Variants in ZNF667 observed in about 807,000 individuals in gnomAD.
The protein encoded by ZNF667 is myocardial ischemic preconditioning upregulated 1 ortholog.
A neutral mutation model predicts 31.8 loss-of-function variants in ZNF667; 13 were observed. The observed-to-expected ratio is 0.41, with a 90% CI of 0.27 to 0.65. The LOEUF (loss-of-function observed/expected upper bound fraction) is 0.65, where lower values mean the gene tolerates loss of function less well. ZNF667 is among the 30% of genes least tolerant of loss of function. The pLI, the probability that ZNF667 is intolerant of heterozygous loss-of-function variation, is 0.32. For synonymous variants in ZNF667, 228 were observed against 247.1 expected, an observed-to-expected ratio of 0.92 and a Z score of 0.73; for missense variants, 642 against 725.6, an observed-to-expected ratio of 0.88 and a Z score of 1.32.
chr19:56,451,328 A>G (rs778764823), intron 6 of ZNF667, among the ~76,000 whole-genome samples: 5 of 152,206 alleles, frequency 3.3e-5, no homozygotes, highest in Non-Finnish European at 7.3e-5. Flanking sequence ...ACATAAAGCA[A>G]ATATTTTCAG....
intron 6 of ZNF667, among the ~76,000 whole-genome samples, chr19:56,455,654 G>C (rs1165323238): frequency 6.6e-6 from 1 of 152,134 alleles, no homozygotes; most frequent in Non-Finnish European, 1.5e-5. Flanking sequence ...GATGGTTAGT[G>C]GGTACAAAAA....
intron 2 of ZNF667, 48 bp downstream of exon 2, chr19:56,473,964 C>A (rs1017610838): frequency 3.3e-5 from 5 of 152,200 alleles, no homozygotes; most frequent in African/African-American, 7.2e-5. Flanking sequence ...CGTATAATTA[C>A]ATCTTCAAAA....
chr19:56,451,877 A>AAAC (rs2042832009), intron 6 of ZNF667, among the ~76,000 whole-genome samples: 1 of 55,184 alleles, frequency 1.8e-5, no homozygotes, highest in African/African-American at 5.7e-5. Context: ...TCAAAAAAAA[A>AAAC]AAAAAAAAAA....
At chr19:56,449,540 G>T in intron 6 of ZNF667, 1 of 295,634 alleles carries the variant, frequency 3.4e-6, no homozygotes, top group Non-Finnish European at 6.8e-6. Flanking sequence ...AAATTAGCTG[G>T]GCATAGTGGG....
At chr19:56,476,297 T>C (rs982802315) in intron 1 of ZNF667, among the ~76,000 whole-genome samples, 26 of 152,254 alleles carry the variant, frequency 1.7e-4, no homozygotes, top group South Asian at 8.3e-4. Context: ...CACTCAAATG[T>C]ACACATGCAG....
At chr19:56,452,049 CTT>C (rs1342164454) in intron 6 of ZNF667, among the ~76,000 whole-genome samples, 37 of 139,212 alleles carry the variant, frequency 2.7e-4, no homozygotes, top group South Asian at 2.3e-4. Flanking sequence ...GAAGAAATCT[CTT>C]TTTTTTTTTT....
chr19:56,441,195 T>A lies in ZNF667; in HGVS notation c.1800A>T (p.Arg600=). The part of the protein sequence containing the change: ...KAYSRSSSLI[R]HQNTHSEEKA ...TTTCTTCAGAATGTGTATTCTGATGTCGAATCAGGGATGAACTCCGACTAT... is the reference window on the plus strand; with the variant it reads ...TTTCTTCAGAATGTGTATTCTGATGACGAATCAGGGATGAACTCCGACTAT... The change falls in exon 7 of 7, where the codon CGA becomes CGT. Residue 600 remains arginine, a synonymous_variant. Transcript: ENST00000504904. The surrounding 1 kb of genome is among the most constrained non-coding windows in gnomAD (Gnocchi z 4.2). 1 of 1,612,688 alleles carries A rather than the reference T, an allele frequency of 6.2e-7. No homozygotes were observed. Among genetic ancestry groups the A allele is most frequent in the Admixed American group, 1.7e-5 (1 of 59,948 alleles).
intron 6 of ZNF667, among the ~76,000 whole-genome samples, chr19:56,446,837 C>T (rs1000115909): frequency 1.3e-5 from 2 of 152,188 alleles, no homozygotes; most frequent in Admixed American, 6.5e-5. Flanking sequence ...CATTAAGTCA[C>T]ATCAGTTAAG....
intron 3 of ZNF667, chr19:56,467,118 G>A (rs780982405): frequency 2.2e-6 from 1 of 453,576 alleles, no homozygotes; most frequent in Non-Finnish European, 4.4e-6. Flanking sequence ...TCCAGGAGGG[G>A]CCTCTAATTA....
At position 56,442,116 on chromosome 19, in the gene ZNF667, T is replaced by G; in HGVS notation, c.879A>C (p.Lys293Asn). The G allele has an allele frequency of 6.2e-7, 1 of 1,613,584 alleles. No individual in the cohort carries two copies. The highest frequency in any genetic ancestry group is 1.1e-5 in the South Asian group (1 of 90,916). The stretch of plus-strand genomic sequence containing the variant: ...TTCTTTTATGTACAACAAAGACTGA[T>G]TTCTTTTTGAAGCCTCTCCCACATT... The part of the protein sequence containing the change: ...YNKCGRGFKK[K>N]SVFVVHKRIH... The change falls in exon 7 of 7, where the codon AAA becomes AAC. Residue 293 changes from lysine (K) to asparagine (N), a missense_variant. Transcript: ENST00000504904.
chr19:56,446,801 C>T (rs1446733650), intron 6 of ZNF667, among the ~76,000 whole-genome samples: 2 of 152,160 alleles, frequency 1.3e-5, no homozygotes, highest in Non-Finnish European at 2.9e-5. Flanking sequence ...CAAGATTCCT[C>T]CTATAGTCCT....
At chr19:56,475,803 G>T (rs7251105) in intron 1 of ZNF667, 87,396 of 151,884 alleles carry the variant, frequency 0.58, 25,864 homozygotes, top group Middle Eastern at 0.72. Context: ...CCATCAGGAA[G>T]ATCCTTTGTT....
At chr19:56,469,613 C>G (rs2043242978) in intron 3 of ZNF667, among the ~76,000 whole-genome samples, 1 of 152,232 alleles carries the variant, frequency 6.6e-6, no homozygotes, top group South Asian at 2.1e-4. Flanking sequence ...TCAAACCTCA[C>G]CTTCTCAGCA....
intron 3 of ZNF667, among the ~76,000 whole-genome samples, chr19:56,470,274 C>T (rs565940526): frequency 3.3e-5 from 5 of 152,190 alleles, no homozygotes; most frequent in East Asian, 1.9e-4. Context: ...GGGAAAAGGT[C>T]GCATTGACCG....
intron 1 of ZNF667, among the ~76,000 whole-genome samples, chr19:56,476,477 CACCAGCACCATA>C (rs1362337929): frequency 6.6e-6 from 1 of 152,146 alleles, no homozygotes; most frequent in Non-Finnish European, 1.5e-5. Flanking sequence ...GAAAAACGAC[CACCAGCACCATA>C]ACCAACACCT....
Position 56,442,297 on chromosome 19 carries a change from G to A in ZNF667, c.698C>T (p.Ala233Val). Residue 233 changes from alanine (A) to valine (V), a missense_variant, in exon 7 of 7, where the codon GCC becomes GTC. Coordinates refer to ENST00000504904, the MANE Select transcript of ZNF667 (RefSeq NM_001321356.2). Reference sequence around the variant, plus strand: ...ATTGAAAGACTGACATTGACTCAAGGCCTTCCCACAGTCAAGAATTTCCTT... The same window carrying A: ...ATTGAAAGACTGACATTGACTCAAGACCTTCCCACAGTCAAGAATTTCCTT... ...DGKEILDCGK[A>V]LSQCQSFNIH... 6.2e-7 allele frequency: 1 copy of A among 1,614,010 alleles called. No individual in the cohort carries two copies. Among genetic ancestry groups the A allele is most frequent in the Non-Finnish European group, 8.5e-7 (1 of 1,179,972 alleles).
At chr19:56,450,874 T>C (rs551808785) in intron 6 of ZNF667, among the ~76,000 whole-genome samples, 1 of 151,736 alleles carries the variant, frequency 6.6e-6, no homozygotes, top group South Asian at 2.1e-4. Flanking sequence ...ATGTAAGAGA[T>C]ACACAAAAAA....
At chr19:56,450,552 A>AT (rs1258896585) in intron 6 of ZNF667, among the ~76,000 whole-genome samples, 1 of 152,226 alleles carries the variant, frequency 6.6e-6, no homozygotes, top group Non-Finnish European at 1.5e-5. Flanking sequence ...TAGCAATAGT[A>AT]ACTGCACAGA....
At chr19:56,443,202 C>T (rs1392553773) in intron 6 of ZNF667, among the ~76,000 whole-genome samples, 1 of 152,086 alleles carries the variant, frequency 6.6e-6, no homozygotes, top group Non-Finnish European at 1.5e-5. Flanking sequence ...GTTACACACT[C>T]TGTAAATTTA....
Sources: gnomAD v4.1 joint callset for allele counts (sites outside exome capture counted in the v4.1 genomes callset) on GRCh38, gnomAD v4.1.1 for gene constraint, Gnocchi (gnomAD v3.1) non-coding constraint, MANE v1.5 for transcripts, NCBI Gene and HGNC (gene_info 2026-07-23, HGNC 2026-07-21) for gene names.